Variants in SLC66A2 observed in about 807,000 individuals in gnomAD.
SLC66A2 encodes solute carrier family 66 member 2.
SLC66A2 carries 23 observed loss-of-function variants against 25.5 expected under a neutral mutation model. That is an observed-to-expected ratio of 0.90 (90% CI 0.65 to 1.28). The LOEUF (loss-of-function observed/expected upper bound fraction) is 1.28, where lower values mean the gene tolerates loss of function less well. SLC66A2 is among the 50% of genes most tolerant of loss of function. SLC66A2 has a pLI of 0.00. For missense variants in SLC66A2, 396 were observed against 373.1 expected (o/e 1.06, Z -0.51); for synonymous variants, 193 against 166.5 (o/e 1.16, Z -1.23).
intron 3 of SLC66A2, among the ~76,000 whole-genome samples, chr18:79,939,614 C>T (rs145248091): frequency 6.6e-6 from 1 of 152,070 alleles, no homozygotes; most frequent in Non-Finnish European, 1.5e-5. Context: ...ATGCGGCCAA[C>T]AAGCGTATGA....
intron 4 of SLC66A2, among the ~76,000 whole-genome samples, chr18:79,922,033 G>A (rs1985300422): frequency 6.7e-6 from 1 of 149,706 alleles, no homozygotes; most frequent in South Asian, 2.1e-4. Context: ...AGAGTAAGAG[G>A]TCAGGGTCGG....
chr18:79,930,873 G>C (rs978335748), intron 4 of SLC66A2, among the ~76,000 whole-genome samples: 8 of 152,092 alleles, frequency 5.3e-5, no homozygotes, highest in Non-Finnish European at 7.4e-5. Flanking sequence ...GGAACAATCA[G>C]AAAAATATAT....
Position 79,918,748 on chromosome 18 carries a change from G to C in SLC66A2, c.608+436C>G, listed in dbSNP as rs1407173558. 6.6e-6 allele frequency among the ~76,000 whole-genome samples: 1 copy of C among 152,228 alleles called. No homozygotes were observed. The highest frequency in any genetic ancestry group is 1.5e-5 in the Non-Finnish European group (1 of 68,038). ...CCAGCCTTCTACCACATACCTCAGA[G>C]GCCGGAGGCCGTGCTGGGGCCAGTG... On this transcript the variant is annotated intron_variant, in intron 5 of 5. Coordinates refer to ENST00000397778, the MANE Select transcript of SLC66A2 (RefSeq NM_025078.5). This position sits in a 1 kb window ranked among gnomAD's most constrained non-coding sequence, Gnocchi z 4.0.
At chr18:79,933,917 G>A in intron 4 of SLC66A2, 52 bp downstream of exon 4, 1 of 1,499,946 alleles carries the variant, frequency 6.7e-7, no homozygotes, top group South Asian at 1.2e-5. Flanking sequence ...TACAGCTGCA[G>A]GAATGAAGCA....
chr18:79,945,599 C>T (rs1414153640), intron 2 of SLC66A2, among the ~76,000 whole-genome samples: 3 of 152,142 alleles, frequency 2.0e-5, no homozygotes, highest in East Asian at 1.9e-4. Context: ...GTGATGGGCC[C>T]GGGGATAGAG....
Position 79,903,965 on chromosome 18 carries a change from C to T in SLC66A2, c.*11G>A, listed in dbSNP as rs1462809563. ...GCGGCTGGCGGTCCCACATCCTCGT[C>T]CTCCCCACTGTCAGAGGGCCTTGGT... is the stretch of plus-strand genomic sequence containing the variant. On this transcript the variant is annotated 3_prime_UTR_variant, in exon 6 of 6. Coordinates refer to ENST00000397778, the MANE Select transcript of SLC66A2 (RefSeq NM_025078.5). 2 of 1,589,146 alleles carry T rather than the reference C, an allele frequency of 1.3e-6. No homozygotes were observed. Among genetic ancestry groups the T allele is most frequent in the Non-Finnish European group, 8.5e-7 (1 of 1,170,144 alleles).
At position 79,950,983 on chromosome 18, in the gene SLC66A2, C is replaced by A. The variant is rs963095989; in HGVS notation, c.-57G>T. 4.4e-6 allele frequency: 6 copies of A among 1,352,018 alleles called. No homozygotes were observed. Among genetic ancestry groups the A allele is most frequent in the Middle Eastern group, 2.5e-4 (1 of 3,942 alleles). 83.8% of individuals were successfully genotyped at this position (1,352,018 alleles called of 1,614,324 possible). ...GCTCCGCGCCCCGCGGGCCACCGGC[C>A]GCCTGCTCATCGCCGCTCCGCGCGC... On this transcript the variant is annotated 5_prime_UTR_variant, in exon 2 of 6. Coordinates refer to ENST00000397778, the MANE Select transcript of SLC66A2 (RefSeq NM_025078.5).
chr18:79,938,911 C>T (rs775111252), intron 3 of SLC66A2, among the ~76,000 whole-genome samples: 5 of 152,282 alleles, frequency 3.3e-5, no homozygotes, highest in African/African-American at 7.2e-5. Flanking sequence ...CTCCCGACCT[C>T]GTGATCCGCC....
intron 4 of SLC66A2, among the ~76,000 whole-genome samples, chr18:79,923,438 A>G (rs1246234291): frequency 6.6e-6 from 1 of 152,062 alleles, no homozygotes; most frequent in Non-Finnish European, 1.5e-5. Context: ...GAGACTTGGG[A>G]AAGCCAGGTC....
chr18:79,950,264 T>C (rs747837734), intron 2 of SLC66A2, among the ~76,000 whole-genome samples: 2 of 152,102 alleles, frequency 1.3e-5, no homozygotes, highest in Non-Finnish European at 2.9e-5. Flanking sequence ...GAGGCTGAGA[T>C]GGGAGGATCA....
At chr18:79,912,658 G>A (rs547693630) in intron 5 of SLC66A2, among the ~76,000 whole-genome samples, 85 of 152,272 alleles carry the variant, frequency 5.6e-4, no homozygotes, top group African/African-American at 1.6e-3. Context: ...GCCAGTGGCC[G>A]CGGGGTTGCT....
At chr18:79,935,671 G>A (rs970879048) in intron 3 of SLC66A2, among the ~76,000 whole-genome samples, 1 of 152,152 alleles carries the variant, frequency 6.6e-6, no homozygotes, top group Non-Finnish European at 1.5e-5. Context: ...TCCCCCTTGG[G>A]ACCTGGCCGC....
chr18:79,938,911 C>CAG, intron 3 of SLC66A2, among the ~76,000 whole-genome samples: 1 of 152,282 alleles, frequency 6.6e-6, no homozygotes, highest in East Asian at 1.9e-4. Flanking sequence ...CTCCCGACCT[C>CAG]GTGATCCGCC....
At chr18:79,949,905 C>T (rs1194619899) in intron 2 of SLC66A2, 2 of 152,240 alleles carry the variant, frequency 1.3e-5, no homozygotes, top group African/African-American at 4.8e-5. Context: ...TGTGAGACCT[C>T]ATTTCCTCTG....
intron 4 of SLC66A2, among the ~76,000 whole-genome samples, chr18:79,933,248 T>TA (rs1341950256): frequency 6.6e-6 from 1 of 152,154 alleles, no homozygotes; most frequent in Non-Finnish European, 1.5e-5. Context: ...TCTTTTATTA[T>TA]AAAAACACCC....
At chr18:79,936,164 G>C (rs1369687993) in intron 3 of SLC66A2, among the ~76,000 whole-genome samples, 1 of 152,216 alleles carries the variant, frequency 6.6e-6, no homozygotes, top group Non-Finnish European at 1.5e-5. Context: ...TACCCTGTCG[G>C]TACGGCGTGT....
In SLC66A2 at chr18:79,921,870, T is replaced by TG. The variant is rs1167142894; in HGVS notation, c.392-2471dup. Among the ~76,000 whole-genome samples the TG allele has an allele frequency of 8.3e-4, 18 of 21,750 alleles. 3 individuals are homozygous for TG. The highest frequency in any genetic ancestry group is 5.9e-3 in the East Asian group (2 of 340). The allele number at this position is 21,750 out of a possible 152,430, so 14.3% of individuals were successfully genotyped here. A position where few individuals can be genotyped will look rare whatever the true frequency, so the allele number is the denominator to read the frequency against. Reference sequence around the variant, plus strand: ...GAACCGAGGGAGAGGTCAAGGTCAGTGAGGAGAGACGGGAACCGAGGGAGA... The same window carrying TG: ...GAACCGAGGGAGAGGTCAAGGTCAGTGGAGGAGAGACGGGAACCGAGGGAGA... On this transcript the variant is annotated intron_variant, in intron 4 of 5. Transcript: ENST00000397778.
At chr18:79,950,680 C>T in intron 2 of SLC66A2, 44 bp downstream of exon 2, 1 of 1,595,468 alleles carries the variant, frequency 6.3e-7, no homozygotes, top group Non-Finnish European at 8.6e-7. Flanking sequence ...AAGGAGAAAC[C>T]CTCTTCTCCG....
intron 5 of SLC66A2, among the ~76,000 whole-genome samples, chr18:79,911,726 G>A (rs1206730177): frequency 2.0e-5 from 3 of 152,256 alleles, no homozygotes; most frequent in East Asian, 3.9e-4. Flanking sequence ...CATTTAGAGG[G>A]CAGGGGAGGG....
Sources: gnomAD v4.1 joint callset for allele counts (sites outside exome capture counted in the v4.1 genomes callset) on GRCh38, gnomAD v4.1.1 for gene constraint, Gnocchi (gnomAD v3.1) non-coding constraint, MANE v1.5 for transcripts, NCBI Gene and HGNC (gene_info 2026-07-23, HGNC 2026-07-21) for gene names.